Variants in RFX7 observed in about 807,000 individuals in gnomAD.
RFX7 encodes the protein regulatory factor X7, also known as DNA-binding protein RFX7.
In RFX7, 26 loss-of-function variants were observed where a neutral mutation model predicts 111.8. That is an observed-to-expected ratio of 0.23 (90% confidence interval 0.17 to 0.32). RFX7 has a LOEUF of 0.32. Among genes scored for constraint, RFX7 ranks in the 10% least tolerant of loss-of-function variants. The probability of loss-of-function intolerance (pLI) is 1.00; values close to 1 mark genes in which losing one functional copy is unlikely to be tolerated. For synonymous variants in RFX7, 624 were observed against 624.4 expected (o/e 1.00, Z 0.01); for missense variants, 1,573 against 1,772.9 (o/e 0.89, Z 2.02).
At chr15:56,183,529 G>A (rs1361486496) in intron 2 of RFX7, among the ~76,000 whole-genome samples, 5 of 152,022 alleles carry the variant, frequency 3.3e-5, no homozygotes, top group South Asian at 2.1e-4. Context: ...TTCTGTACAC[G>A]CTTGAATCTT....
At chr15:56,228,154 G>A (rs72738696) in intron 2 of RFX7, among the ~76,000 whole-genome samples, 1 of 151,622 alleles carries the variant, frequency 6.6e-6, no homozygotes, top group African/African-American at 2.4e-5. Flanking sequence ...ATTTTCTACA[G>A]GTTGAGTAAA....
intron 3 of RFX7, among the ~76,000 whole-genome samples, chr15:56,150,902 C>T (rs770940168): frequency 3.3e-5 from 5 of 151,890 alleles, no homozygotes; most frequent in African/African-American, 9.7e-5. Flanking sequence ...AAACACAGCA[C>T]GAGAACTTCG....
Position 56,093,367 on chromosome 15 carries a change from G to A in RFX7, c.4361C>T (p.Pro1454Leu). The change falls in exon 10 of 10, where the codon CCT becomes CTT. Residue 1454 changes from proline to leucine, a missense_variant. Around this residue, in one of 7 missense-constraint regions of RFX7, gnomAD observed 411 missense variants for 478.1 expected, o/e 0.86. Transcript: ENST00000559447. ...AATTTAACCCAACATTTCAACAGTA[G>A]GATGGTCCTTGCTTTCTATCCATTC... Reference protein sequence around the residue: ...GFEWIESKDHPTVEMLG With the variant: ...GFEWIESKDHLTVEMLG 1 of 1,611,432 alleles carries A rather than the reference G, an allele frequency of 6.2e-7. No individual in the cohort carries two copies. The highest frequency in any genetic ancestry group is 8.5e-7 in the Non-Finnish European group (1 of 1,178,608).
chr15:56,239,984 CTTTTT>C (rs5812831), intron 2 of RFX7, among the ~76,000 whole-genome samples: 98 of 120,920 alleles, frequency 8.1e-4, no homozygotes, highest in African/African-American at 2.8e-3. Flanking sequence ...TTTGGTATTT[CTTTTT>C]TTTTTTTTTT....
At chr15:56,198,759 TA>T (rs1219641114) in intron 2 of RFX7, among the ~76,000 whole-genome samples, 1 of 152,166 alleles carries the variant, frequency 6.6e-6, no homozygotes, top group Non-Finnish European at 1.5e-5. Context: ...GACTTACAGA[TA>T]AATAAGATTA....
chr15:56,154,215 T>G (rs148731516), intron 3 of RFX7, among the ~76,000 whole-genome samples: 27 of 152,236 alleles, frequency 1.8e-4, no homozygotes, highest in African/African-American at 6.0e-4. Flanking sequence ...CCCAAAGTAA[T>G]TTATAGATTC....
chr15:56,210,545 A>T (rs550232835), intron 2 of RFX7, among the ~76,000 whole-genome samples: 1 of 152,250 alleles, frequency 6.6e-6, no homozygotes, highest in African/African-American at 2.4e-5. Context: ...ACCAAGACAG[A>T]TCATATTCTG....
At chr15:56,211,871 A>G (rs1453265336) in intron 2 of RFX7, among the ~76,000 whole-genome samples, 2 of 152,074 alleles carry the variant, frequency 1.3e-5, no homozygotes, top group African/African-American at 4.8e-5. Flanking sequence ...AAATACTGAC[A>G]CCACCAAATC....
At chr15:56,218,937 G>A (rs1413202157) in intron 2 of RFX7, among the ~76,000 whole-genome samples, 1 of 152,060 alleles carries the variant, frequency 6.6e-6, no homozygotes, top group East Asian at 1.9e-4. Context: ...TTACAACAGT[G>A]AATAAACAAA....
intron 2 of RFX7, chr15:56,193,212 G>A (rs142896786): frequency 1.1e-3 from 197 of 175,396 alleles, no homozygotes; most frequent in African/African-American, 4.5e-3. Context: ...CTTGCCCAAG[G>A]TTGTGGACAA....
chr15:56,132,518 C>T (rs2042231810), intron 5 of RFX7, among the ~76,000 whole-genome samples: 1 of 151,798 alleles, frequency 6.6e-6, no homozygotes, highest in African/African-American at 2.4e-5. Context: ...AGTACCTTAT[C>T]TAATAGCATT....
At position 56,095,582 on chromosome 15, in the gene RFX7, T is replaced by C. The variant is rs1595919407; in HGVS notation, c.2146A>G (p.Ser716Gly). 8.7e-6 allele frequency: 14 copies of C among 1,613,952 alleles called. No individual in the cohort carries two copies. Among genetic ancestry groups the C allele is most frequent in the Non-Finnish European group, 1.1e-5 (13 of 1,179,816 alleles). ...GAACTGACATTTACTGATACCTTGC[T>C]AGGAATCTGAGCACCTGCTGTTGAA... ...EGSTAGAQIPSKVSVNVSSHI... is the reference protein window; with the variant it reads ...EGSTAGAQIPGKVSVNVSSHI... Residue 716 changes from serine to glycine, a missense_variant, in exon 10 of 10, where the codon AGC becomes GGC. By Grantham distance (56) the Ser-to-Gly change is moderately conservative. Transcript: ENST00000559447.
At chr15:56,114,337 G>A (rs188192614) in intron 5 of RFX7, among the ~76,000 whole-genome samples, 44 of 151,248 alleles carry the variant, frequency 2.9e-4, no homozygotes, top group African/African-American at 1.0e-3. Context: ...CTTTAACCCG[G>A]GAGGTGGAGG....
chr15:56,141,345 G>A (rs759084262), intron 5 of RFX7, among the ~76,000 whole-genome samples: 1 of 151,798 alleles, frequency 6.6e-6, no homozygotes, highest in Non-Finnish European at 1.5e-5. Context: ...CAGCCTAGGT[G>A]ACAAGAGTTA....
chr15:56,178,369 A>G (rs1198027271), intron 3 of RFX7, among the ~76,000 whole-genome samples: 1 of 152,136 alleles, frequency 6.6e-6, no homozygotes, highest in Non-Finnish European at 1.5e-5. Context: ...ATAATAAGCT[A>G]ATAATAATAT....
intron 5 of RFX7, among the ~76,000 whole-genome samples, chr15:56,119,551 TG>T (rs2042048636): frequency 6.6e-6 from 1 of 151,256 alleles, no homozygotes; most frequent in Non-Finnish European, 1.5e-5. Flanking sequence ...CCGAGGTGGG[TG>T]GGTCAAATGG....
At chr15:56,179,244 A>T in intron 3 of RFX7, 26 bp downstream of exon 3, 2 of 1,156,798 alleles carry the variant, frequency 1.7e-6, no homozygotes, top group Non-Finnish European at 2.3e-6. Context: ...TTGCAAAAGG[A>T]TTTTAATATT....
intron 5 of RFX7, among the ~76,000 whole-genome samples, chr15:56,137,748 A>C (rs1373621162): frequency 6.6e-6 from 1 of 151,996 alleles, no homozygotes; most frequent in Middle Eastern, 3.2e-3. Flanking sequence ...TCTTGTGGGC[A>C]TTTAGTGCTA....
In RFX7 at chr15:56,091,842, C is replaced by T. The variant is rs1046512725; in HGVS notation, c.*1503G>A. 3.3e-5 allele frequency: 5 copies of T among 152,462 alleles called. No homozygotes were observed. Among genetic ancestry groups the T allele is most frequent in the South Asian group, 2.1e-4 (1 of 4,828 alleles). The allele number at this position is 152,462 out of a possible 1,614,324, so 9.4% of individuals were successfully genotyped here. A position where few individuals can be genotyped will look rare whatever the true frequency, so the allele number is the denominator to read the frequency against. ...CTTGCAAATTTATTGAACAACAAAA[C>T]CTTATTAAACCCTTCAGCACATTTG... is the stretch of plus-strand genomic sequence containing the variant. On this transcript the variant is annotated 3_prime_UTR_variant, in exon 10 of 10. Transcript: ENST00000559447.
Sources: allele counts gnomAD v4.1 joint callset (sites outside exome capture counted in the v4.1 genomes callset), GRCh38; gene constraint gnomAD v4.1.1; regional missense constraint gnomAD v4.1.1; transcripts MANE v1.5; gene names NCBI Gene and HGNC (gene_info 2026-07-23, HGNC 2026-07-21).